Variants in CHL1 observed in about 807,000 individuals in gnomAD.
The protein encoded by CHL1 is neural cell adhesion molecule L1-like protein.
In CHL1, 96 loss-of-function variants were observed where a neutral mutation model predicts 141.9. The observed-to-expected ratio is 0.68, with a 90% CI of 0.57 to 0.80. CHL1 has a LOEUF of 0.80. Among genes scored for constraint, CHL1 ranks in the 30% least tolerant of loss-of-function variants. CHL1 has a pLI of 0.00. For synonymous variants in CHL1, 613 were observed against 502.2 expected (o/e 1.22, Z -2.95); for missense variants, 1,820 against 1,457.2 (o/e 1.25, Z -4.05).
chr3:350,005 A>C (rs1703106576), intron 10 of CHL1, among the ~76,000 whole-genome samples: 1 of 152,202 alleles, frequency 6.6e-6, no homozygotes, highest in South Asian at 2.1e-4. Flanking sequence ...AAAGAAGTGA[A>C]AGAGGCAGGC....
intron 3 of CHL1, among the ~76,000 whole-genome samples, chr3:320,387 T>G (rs534359781): frequency 6.6e-6 from 1 of 152,188 alleles, no homozygotes; most frequent in African/African-American, 2.4e-5. Context: ...TTATATAGTG[T>G]GAATTCATAT....
At chr3:283,055 A>G (rs1696806724) in intron 2 of CHL1, among the ~76,000 whole-genome samples, 2 of 152,180 alleles carry the variant, frequency 1.3e-5, no homozygotes, top group Non-Finnish European at 2.9e-5. Flanking sequence ...GCCTAATCAC[A>G]TGCAGAACCA....
intron 1 of CHL1, among the ~76,000 whole-genome samples, chr3:223,248 A>C (rs1701016726): frequency 6.6e-6 from 1 of 152,204 alleles, no homozygotes; most frequent in South Asian, 2.1e-4. Flanking sequence ...ATCACCCATC[A>C]CTATCCCTAT....
chr3:386,443 C>G (rs1559344443), intron 19 of CHL1, among the ~76,000 whole-genome samples: 1 of 152,164 alleles, frequency 6.6e-6, no homozygotes. Context: ...ATGACTCACT[C>G]ATATATTTTG....
chr3:276,643 A>G (rs959945952), intron 2 of CHL1, among the ~76,000 whole-genome samples: 1 of 151,810 alleles, frequency 6.6e-6, no homozygotes, highest in Non-Finnish European at 1.5e-5. Flanking sequence ...TAATCCCAGC[A>G]CTTTGGGAGG....
intron 23 of CHL1, among the ~76,000 whole-genome samples, chr3:392,356 AT>A (rs1559352564): frequency 1.3e-5 from 2 of 152,226 alleles, no homozygotes. Flanking sequence ...TCCAATGTCT[AT>A]GGGTTGCTCA....
chr3:364,502 T>G (rs986525678), intron 14 of CHL1, among the ~76,000 whole-genome samples: 1 of 152,190 alleles, frequency 6.6e-6, no homozygotes, highest in Admixed American at 6.5e-5. Context: ...CCCAATACAG[T>G]GCTTGGCCCA....
intron 4 of CHL1, among the ~76,000 whole-genome samples, chr3:327,964 C>A (rs1376415047): frequency 2.6e-5 from 4 of 151,468 alleles, no homozygotes; most frequent in Non-Finnish European, 4.4e-5. Context: ...AATCTTAATC[C>A]TCTCATTTAT....
Position 314,988 on chromosome 3 carries a change from C to T in CHL1, c.-94-4695C>T, listed in dbSNP as rs372301235. 2.8e-4 allele frequency among the ~76,000 whole-genome samples: 42 copies of T among 152,172 alleles called. 1 individual carries two copies. In the South Asian group the frequency reaches 7.5e-3, roughly 27 times the overall value. On this transcript the variant is annotated intron_variant, in intron 2 of 27. Transcript: ENST00000256509. Reference sequence around the variant, plus strand: ...TTTTATATCAATCAATATCATTTCACCACTATATACTTTAGAGAATTTGCC... The same window carrying T: ...TTTTATATCAATCAATATCATTTCATCACTATATACTTTAGAGAATTTGCC...
At chr3:349,777 C>T (rs1297456265) in intron 10 of CHL1, among the ~76,000 whole-genome samples, 1 of 152,186 alleles carries the variant, frequency 6.6e-6, no homozygotes, top group African/African-American at 2.4e-5. Context: ...GGATTAAACA[C>T]AGACAGTTTA....
chr3:381,687 C>T (rs545522575), intron 16 of CHL1, among the ~76,000 whole-genome samples: 1 of 152,166 alleles, frequency 6.6e-6, no homozygotes, highest in African/African-American at 2.4e-5. Context: ...TGGGAGTCAG[C>T]CAAAAAGAAT....
intron 1 of CHL1, among the ~76,000 whole-genome samples, chr3:216,763 A>G (rs1421797584): frequency 6.6e-6 from 1 of 152,212 alleles, no homozygotes; most frequent in African/African-American, 2.4e-5. Context: ...GAAAACTAGC[A>G]TTTCTCCAAT....
rs1159153339 is a variant in CHL1 at position 406,059 on chromosome 3, G to C, written c.*348G>C. The C allele has an allele frequency of 9.0e-6, 2 of 223,314 alleles. No homozygotes were observed. The highest frequency in any genetic ancestry group is 1.8e-5 in the Non-Finnish European group (2 of 112,430). The allele number at this position is 223,314 out of a possible 1,614,324, so 13.8% of individuals were successfully genotyped here. A position where few individuals can be genotyped will look rare whatever the true frequency, so the allele number is the denominator to read the frequency against. ...TGTGTTTGCATAGATGTTGCTACTT[G>C]GTGGGTTTTTCTCCGTATGCACATT... On this transcript the variant is annotated 3_prime_UTR_variant, in exon 28 of 28. Transcript: ENST00000256509.
intron 1 of CHL1, among the ~76,000 whole-genome samples, chr3:221,299 A>G (rs1700818363): frequency 6.6e-6 from 1 of 152,238 alleles, no homozygotes. Context: ...AATATTTTAC[A>G]GAATTTGACT....
rs536506325 is a variant in CHL1 at position 196,817 on chromosome 3, G to C, written c.-421G>C. 1.3e-5 allele frequency: 2 copies of C among 152,534 alleles called. No homozygotes were observed. Among genetic ancestry groups the C allele is most frequent in the African/African-American group, 2.4e-5 (1 of 41,470 alleles). 9.4% of individuals were successfully genotyped at this position (152,534 alleles called of 1,614,324 possible). A position where few individuals can be genotyped will look rare whatever the true frequency, so the allele number is the denominator to read the frequency against. On this transcript the variant is annotated 5_prime_UTR_variant, in exon 1 of 28. Coordinates refer to ENST00000256509, the MANE Select transcript of CHL1 (RefSeq NM_006614.4). ...AGCCAGCCTCCGGCAGGAGGGCGTA[G>C]ACCCCGGTGCCAGCCAGAACGGCTC...
intron 2 of CHL1, among the ~76,000 whole-genome samples, chr3:293,897 G>A (rs570162137): frequency 6.6e-6 from 1 of 151,778 alleles, no homozygotes; most frequent in African/African-American, 2.4e-5. Context: ...GAGTAGCTGG[G>A]ATTACAGGCA....
intron 2 of CHL1, among the ~76,000 whole-genome samples, chr3:284,741 A>G (rs1415958702): frequency 1.3e-5 from 2 of 150,502 alleles, no homozygotes; most frequent in Non-Finnish European, 2.9e-5. Flanking sequence ...TGATACATTT[A>G]AAAGAAAGCA....
chr3:216,268 A>G (rs1216552974), intron 1 of CHL1, among the ~76,000 whole-genome samples: 3 of 152,190 alleles, frequency 2.0e-5, no homozygotes, highest in East Asian at 1.9e-4. Context: ...ACCAGAAACT[A>G]TATCTTTAAG....
chr3:311,971 C>G (rs971289444), intron 2 of CHL1, among the ~76,000 whole-genome samples: 1 of 152,074 alleles, frequency 6.6e-6, no homozygotes, highest in African/African-American at 2.4e-5. Context: ...CACTGTGAAA[C>G]AATTTGAATT....
Sources: allele counts gnomAD v4.1 joint callset (sites outside exome capture counted in the v4.1 genomes callset), GRCh38; gene constraint gnomAD v4.1.1; transcripts MANE v1.5; gene names NCBI Gene and HGNC (gene_info 2026-07-23, HGNC 2026-07-21).